The following HNRNPC variants were observed in gnomAD, a reference collection of about 807,000 sequenced individuals.
HNRNPC encodes heterogeneous nuclear ribonucleoprotein C.
A neutral mutation model predicts 33.2 loss-of-function variants in HNRNPC; 3 were observed. That is an observed-to-expected ratio of 0.09 (90% CI 0.04 to 0.23). HNRNPC has a LOEUF of 0.23. Among genes scored for constraint, HNRNPC ranks in the 10% least tolerant of loss-of-function variants. HNRNPC has a pLI of 1.00. For synonymous variants in HNRNPC, 121 were observed against 126.7 expected (o/e 0.96, Z 0.30); for missense variants, 143 against 366.7 (o/e 0.39, Z 4.98).
intron 2 of HNRNPC, chr14:21,236,575 T>A (rs1894719696): frequency 6.6e-6 from 1 of 152,182 alleles, no homozygotes. Flanking sequence ...TAACAAAGAC[T>A]GTCCTGAGAG....
At chr14:21,254,346 T>C (rs1683724637) in intron 2 of HNRNPC, among the ~76,000 whole-genome samples, 1 of 152,176 alleles carries the variant, frequency 6.6e-6, no homozygotes, top group African/African-American at 2.4e-5. Flanking sequence ...CTGTATCTAC[T>C]AACATAAGCT....
At chr14:21,216,024 G>A (rs576559789) in intron 5 of HNRNPC, among the ~76,000 whole-genome samples, 1 of 150,540 alleles carries the variant, frequency 6.6e-6, no homozygotes, top group South Asian at 2.1e-4. Context: ...GCTGAGGCAC[G>A]AGAGTTGCTT....
intron 5 of HNRNPC, among the ~76,000 whole-genome samples, chr14:21,222,385 T>G (rs1892925020): frequency 6.7e-6 from 1 of 150,136 alleles, no homozygotes; most frequent in Admixed American, 6.6e-5. Flanking sequence ...TTTGTTTTTG[T>G]TTTTTTTTCC....
chr14:21,227,562 A>G (rs1165611730), intron 5 of HNRNPC, among the ~76,000 whole-genome samples: 3 of 152,252 alleles, frequency 2.0e-5, no homozygotes, highest in Admixed American at 2.0e-4. Context: ...CAAAAACGGA[A>G]TTACTTTTGC....
intron 3 of HNRNPC, chr14:21,231,509 AT>A: frequency 2.4e-6 from 1 of 411,368 alleles, no homozygotes; most frequent in African/African-American, 2.1e-5. Context: ...TAATTTTTCT[AT>A]TTTTCGTAGG....
At chr14:21,252,332 TTTAA>T (rs779615535) in intron 2 of HNRNPC, among the ~76,000 whole-genome samples, 1 of 152,218 alleles carries the variant, frequency 6.6e-6, no homozygotes, top group Non-Finnish European at 1.5e-5. Flanking sequence ...TTGTTTTTGT[TTTAA>T]GTCTCACAAT....
At chr14:21,241,826 A>C (rs961400924) in intron 2 of HNRNPC, among the ~76,000 whole-genome samples, 1 of 152,238 alleles carries the variant, frequency 6.6e-6, no homozygotes, top group African/African-American at 2.4e-5. Context: ...TCTCTGAGAA[A>C]ACAGTAATAC....
chr14:21,268,132 G>C (rs550928976), intron 1 of HNRNPC, among the ~76,000 whole-genome samples: 1 of 152,204 alleles, frequency 6.6e-6, no homozygotes, highest in South Asian at 2.1e-4. Flanking sequence ...TAAAAAAAGC[G>C]ATGTCCCAGA....
intron 2 of HNRNPC, among the ~76,000 whole-genome samples, chr14:21,243,654 A>G (rs1895623157): frequency 6.6e-6 from 1 of 152,228 alleles, no homozygotes; most frequent in East Asian, 1.9e-4. Context: ...GTAGGCTCAT[A>G]TGAAAATTCT....
At chr14:21,261,916 T>C (rs1003975639) in intron 2 of HNRNPC, among the ~76,000 whole-genome samples, 5 of 152,176 alleles carry the variant, frequency 3.3e-5, no homozygotes, top group African/African-American at 1.2e-4. Flanking sequence ...TAACACAGAA[T>C]ACACTCCTTC....
In HNRNPC at chr14:21,255,898, TTC is replaced by T. The variant is rs372843258; in HGVS notation, c.-37+7411_-37+7412del. ...GAAGACACATCACTAAGGGGGTAGCTTCTGAGTAAAAAGTCTCAGAGGAACTG... is the reference window on the plus strand; with the variant it reads ...GAAGACACATCACTAAGGGGGTAGCTTGAGTAAAAAGTCTCAGAGGAACTG... On this transcript the variant is annotated intron_variant, in intron 2 of 8. Coordinates refer to ENST00000553300, the MANE Select transcript of HNRNPC (RefSeq NM_004500.4). 5.9e-5 allele frequency among the ~76,000 whole-genome samples: 9 copies of T among 152,298 alleles called. No homozygotes were observed. In the East Asian group the frequency reaches 1.5e-3, roughly 26 times the overall value.
chr14:21,224,538 T>C (rs1252311012), intron 5 of HNRNPC, among the ~76,000 whole-genome samples: 1 of 152,182 alleles, frequency 6.6e-6, no homozygotes, highest in East Asian at 1.9e-4. Flanking sequence ...CCTACTTTCA[T>C]ACCTTTAGTC....
At chr14:21,257,488 C>A (rs754281125) in intron 2 of HNRNPC, among the ~76,000 whole-genome samples, 1 of 151,788 alleles carries the variant, frequency 6.6e-6, no homozygotes, top group African/African-American at 2.4e-5. Flanking sequence ...TTAATGCATC[C>A]GTCTCCGTGG....
At position 21,211,034 on chromosome 14, in the gene HNRNPC, T is replaced by C. The variant is rs1443013156; in HGVS notation, c.*189A>G. 1 of 622,014 alleles carries C rather than the reference T, an allele frequency of 1.6e-6. No homozygotes were observed. The highest frequency in any genetic ancestry group is 2.8e-6 in the Non-Finnish European group (1 of 356,514). The allele number at this position is 622,014 out of a possible 1,614,324, so 38.5% of individuals were successfully genotyped here. A position where few individuals can be genotyped will look rare whatever the true frequency, so the allele number is the denominator to read the frequency against. Reference sequence around the variant, plus strand: ...AGACTTAACAAAACTACTAGGAGCGTCAAAGGAAGTGAAAATGGGACTAGG... The same window carrying C: ...AGACTTAACAAAACTACTAGGAGCGCCAAAGGAAGTGAAAATGGGACTAGG... On this transcript the variant is annotated 3_prime_UTR_variant, in exon 9 of 9. Transcript: ENST00000553300.
At chr14:21,239,174 A>T (rs1473379954) in intron 2 of HNRNPC, among the ~76,000 whole-genome samples, 2 of 152,210 alleles carry the variant, frequency 1.3e-5, no homozygotes, top group East Asian at 3.9e-4. Flanking sequence ...TTATTTGTAA[A>T]TCAGAAGGTT....
intron 5 of HNRNPC, among the ~76,000 whole-genome samples, chr14:21,225,130 A>G (rs996496120): frequency 3.3e-5 from 5 of 151,988 alleles, no homozygotes; most frequent in African/African-American, 1.2e-4. Context: ...TCCAAATAAG[A>G]ATTAAAGAGG....
intron 5 of HNRNPC, among the ~76,000 whole-genome samples, chr14:21,221,000 T>A (rs1892768297): frequency 6.6e-6 from 1 of 151,990 alleles, no homozygotes; most frequent in Non-Finnish European, 1.5e-5. Flanking sequence ...GGCAGGAGGA[T>A]CCCTTGAAAC....
chr14:21,229,368 CAAA>C (rs36094058), intron 5 of HNRNPC, among the ~76,000 whole-genome samples: 29 of 112,262 alleles, frequency 2.6e-4, no homozygotes, highest in African/African-American at 3.3e-4. Flanking sequence ...GAGACTGTCT[CAAA>C]AAAAAAAAAA....
At position 21,234,202 on chromosome 14, in the gene HNRNPC, A is replaced by G; in HGVS notation, c.-9T>C. 6.2e-7 allele frequency: 1 copy of G among 1,612,546 alleles called. No individual in the cohort carries two copies. Among genetic ancestry groups the G allele is most frequent in the Non-Finnish European group, 8.5e-7 (1 of 1,178,916 alleles). On this transcript the variant is annotated 5_prime_UTR_variant, in exon 3 of 9. Transcript: ENST00000553300. ...GTAACGTTGCTGGCCATCGTGTTTG[A>G]TGGTAAGGTTTCTCACAAAGCCGAA...
Sources: allele counts gnomAD v4.1 joint callset (sites outside exome capture counted in the v4.1 genomes callset), GRCh38; gene constraint gnomAD v4.1.1; transcripts MANE v1.5; gene names NCBI Gene and HGNC (gene_info 2026-07-23, HGNC 2026-07-21).